ELP3: variants seen among roughly 807,000 people sequenced by gnomAD.
ELP3 encodes elongator acetyltransferase complex subunit 3.
In ELP3, 56 loss-of-function variants were observed where a neutral mutation model predicts 74.9. That is an observed-to-expected ratio of 0.75 (90% CI 0.60 to 0.93). ELP3 has a LOEUF of 0.93. Among genes scored for constraint, ELP3 ranks in the 40% least tolerant of loss-of-function variants. The pLI is 0.00. For missense variants in ELP3, 573 were observed against 686.5 expected (o/e 0.83, Z 1.85); for synonymous variants, 222 against 239.8 (o/e 0.93, Z 0.68).
chr8:28,101,606 A>G (rs1281236749), intron 3 of ELP3, among the ~76,000 whole-genome samples: 1 of 81,432 alleles, frequency 1.2e-5, no homozygotes, highest in Non-Finnish European at 2.4e-5. Context: ...TTTTTTTTTT[A>G]CCTGAGACAG....
chr8:28,163,009 TACTC>T (rs944978009), intron 14 of ELP3, among the ~76,000 whole-genome samples: 95 of 152,240 alleles, frequency 6.2e-4, no homozygotes, highest in African/African-American at 2.2e-3. Flanking sequence ...CACCTTAAGA[TACTC>T]AGTATGCCAA....
chr8:28,090,906 T>C (rs1309548625), upstream of ELP3, among the ~76,000 whole-genome samples: 2 of 142,216 alleles, frequency 1.4e-5, no homozygotes, highest in South Asian at 4.6e-4. Flanking sequence ...AATGTTTCCT[T>C]TTTTTTTTTT....
chr8:28,097,332 A>G lies in ELP3; in HGVS notation c.119+14A>G. The G allele has an allele frequency of 6.4e-7, 1 of 1,556,568 alleles. No homozygotes were observed. Among genetic ancestry groups the G allele is most frequent in the Non-Finnish European group, 8.9e-7 (1 of 1,129,454 alleles). ...CGATCTAAATAAGTAAGTGGATATA[A>G]AGAGAGAGCAAGCTTGTTCTTAGGT... On this transcript the variant is annotated intron_variant, in intron 2 of 14. Transcript: ENST00000256398.
At chr8:28,150,754 G>A (rs1813611262) in intron 10 of ELP3, among the ~76,000 whole-genome samples, 2 of 152,088 alleles carry the variant, frequency 1.3e-5, no homozygotes, top group African/African-American at 2.4e-5. Context: ...GTGGTTTGGT[G>A]TCTGATATTA....
At chr8:28,142,003 T>C (rs1813258935) in intron 10 of ELP3, among the ~76,000 whole-genome samples, 1 of 152,242 alleles carries the variant, frequency 6.6e-6, no homozygotes. Context: ...TTCTTTCTGC[T>C]GTAACCAGTG....
At chr8:28,137,022 A>G (rs1471046099) in intron 9 of ELP3, among the ~76,000 whole-genome samples, 1 of 152,244 alleles carries the variant, frequency 6.6e-6, no homozygotes, top group African/African-American at 2.4e-5. Flanking sequence ...GACAAGGTGT[A>G]GCCCAGGATA....
At chr8:28,117,516 A>G (rs1812187279) in intron 7 of ELP3, among the ~76,000 whole-genome samples, 1 of 152,130 alleles carries the variant, frequency 6.6e-6, no homozygotes, top group Non-Finnish European at 1.5e-5. Flanking sequence ...TCTTGAATTT[A>G]CCTCAAGAGG....
intron 14 of ELP3, among the ~76,000 whole-genome samples, chr8:28,165,032 G>C (rs1417715386): frequency 6.6e-6 from 1 of 152,118 alleles, no homozygotes; most frequent in African/African-American, 2.4e-5. Context: ...GCTGAGAAGA[G>C]GCACTGATTT....
intron 7 of ELP3, among the ~76,000 whole-genome samples, chr8:28,114,951 C>T (rs904355193): frequency 2.0e-5 from 3 of 152,130 alleles, no homozygotes; most frequent in African/African-American, 7.2e-5. Context: ...TGATTACATC[C>T]ATCCCTGCTC....
chr8:28,188,095 G>A (rs1020452312), intron 14 of ELP3, among the ~76,000 whole-genome samples: 1 of 152,150 alleles, frequency 6.6e-6, no homozygotes, highest in Non-Finnish European at 1.5e-5. Flanking sequence ...GAGAGGGAGG[G>A]AAGGACGGAG....
intron 5 of ELP3, among the ~76,000 whole-genome samples, chr8:28,109,737 G>A (rs1325595627): frequency 2.0e-5 from 3 of 152,172 alleles, no homozygotes; most frequent in Non-Finnish European, 2.9e-5. Flanking sequence ...AACAAAGTTT[G>A]TGTTAAGTAC....
chr8:28,158,545 CT>C, intron 11 of ELP3, 22 bp from the exon 12 acceptor site: 1 of 1,601,826 alleles, frequency 6.2e-7, no homozygotes, highest in Non-Finnish European at 8.6e-7. Flanking sequence ...CCCAACCCCG[CT>C]CACGCCATTT....
At chr8:28,157,857 C>T (rs1813894292) in intron 11 of ELP3, among the ~76,000 whole-genome samples, 1 of 152,128 alleles carries the variant, frequency 6.6e-6, no homozygotes, top group South Asian at 2.1e-4. Context: ...GCCATGCAGA[C>T]CAGACATTGC....
Position 28,162,005 on chromosome 8 carries a change from C to T in ELP3, c.1494C>T (p.Gly498=), listed in dbSNP as rs757681624. The change falls in exon 14 of 15, where the codon GGC becomes GGT. Residue 498 remains glycine, a synonymous_variant. Coordinates refer to ENST00000256398, the MANE Select transcript of ELP3 (RefSeq NM_018091.6). ...DPTKFQHQGF[G]MLLMEEAERI... is the part of the protein sequence containing the mutation. Reference sequence around the variant, plus strand: ...ATTGTTGCTCCGTGCAGGGATTTGGCATGCTGCTGATGGAGGAAGCAGAAA... The same window carrying T: ...ATTGTTGCTCCGTGCAGGGATTTGGTATGCTGCTGATGGAGGAAGCAGAAA... 6 of 1,613,956 alleles carry T rather than the reference C, an allele frequency of 3.7e-6. No individual in the cohort carries two copies. Among genetic ancestry groups the T allele is most frequent in the Non-Finnish European group, 5.1e-6 (6 of 1,179,974 alleles).
chr8:28,100,886 T>A (rs1372390193), intron 3 of ELP3, among the ~76,000 whole-genome samples: 1 of 152,178 alleles, frequency 6.6e-6, no homozygotes, highest in East Asian at 1.9e-4. Context: ...TCCTACCATA[T>A]GGTCCCCAGC....
chr8:28,122,858 C>G (rs766991992), intron 7 of ELP3, among the ~76,000 whole-genome samples: 1 of 152,250 alleles, frequency 6.6e-6, no homozygotes. Context: ...GGCGCAATGG[C>G]TCACGCCTGT....
chr8:28,100,317 A>G (rs1019963504), intron 3 of ELP3, among the ~76,000 whole-genome samples: 1 of 152,202 alleles, frequency 6.6e-6, no homozygotes, highest in Non-Finnish European at 1.5e-5. Context: ...TAATGGTGCA[A>G]AGTAGTTCTG....
At chr8:28,184,079 G>A (rs1277888128) in intron 14 of ELP3, among the ~76,000 whole-genome samples, 1 of 152,212 alleles carries the variant, frequency 6.6e-6, no homozygotes, top group Non-Finnish European at 1.5e-5. Context: ...AGCAGAGCAA[G>A]GCCCTCACCC....
rs1036954144 is a variant in ELP3, at chr8:28,102,756, C to G, written c.258+2790C>G. 2.0e-5 allele frequency among the ~76,000 whole-genome samples: 3 copies of G among 152,190 alleles called. No individual in the cohort carries two copies. In the East Asian group the frequency reaches 5.8e-4, roughly 29 times the overall value. On this transcript the variant is annotated intron_variant, in intron 3 of 14. Transcript: ENST00000256398. Reference sequence around the variant, plus strand: ...ACCAATATTGTTGCATTATTATTAACCAAAGCCTGTACATACATTAGAATA... The same window carrying G: ...ACCAATATTGTTGCATTATTATTAAGCAAAGCCTGTACATACATTAGAATA...
Sources: gnomAD v4.1 joint callset for allele counts (sites outside exome capture counted in the v4.1 genomes callset) on GRCh38, gnomAD v4.1.1 for gene constraint, MANE v1.5 for transcripts, NCBI Gene and HGNC (gene_info 2026-07-23, HGNC 2026-07-21) for gene names.